FCRL1: variants seen among roughly 807,000 people sequenced by gnomAD.
FCRL1 encodes the protein Fc receptor like 1, also known as Fc receptor-like protein 1.
Under a neutral mutation model 49.2 loss-of-function variants are expected in FCRL1, and 34 were observed. The observed-to-expected ratio is 0.69, with a 90% CI of 0.53 to 0.92. The LOEUF is 0.92. Among genes scored for constraint, FCRL1 ranks in the 40% least tolerant of loss-of-function variants. The probability of loss-of-function intolerance (pLI) is 0.00; values close to 1 mark genes in which losing one functional copy is unlikely to be tolerated. For missense variants in FCRL1, 524 were observed against 524.1 expected (o/e 1.00, Z 0.00); for synonymous variants, 218 against 201.6 (o/e 1.08, Z -0.69).
At chr1:157,806,467 C>T (rs1186473675) in intron 2 of FCRL1, among the ~76,000 whole-genome samples, 1 of 152,190 alleles carries the variant, frequency 6.6e-6, no homozygotes, top group African/African-American at 2.4e-5. Flanking sequence ...GGATTGCTTA[C>T]TCTCCTTCTT....
At chr1:157,799,801 A>G (rs1652135265) in intron 7 of FCRL1, among the ~76,000 whole-genome samples, 1 of 152,072 alleles carries the variant, frequency 6.6e-6, no homozygotes, top group African/African-American at 2.4e-5. Context: ...TAATAATAAA[A>G]TTAAAAAAAA....
intron 1 of FCRL1, among the ~76,000 whole-genome samples, chr1:157,808,540 G>C (rs1215953878): frequency 6.6e-6 from 1 of 152,236 alleles, no homozygotes; most frequent in African/African-American, 2.4e-5. Flanking sequence ...TAAGGGGGCA[G>C]GGGTTAGTTA....
chr1:157,807,571 C>CA (rs1299552506), intron 1 of FCRL1, among the ~76,000 whole-genome samples: 1 of 152,158 alleles, frequency 6.6e-6, no homozygotes, highest in Non-Finnish European at 1.5e-5. Flanking sequence ...TTGACTCTCT[C>CA]AAGGGAACAA....
intron 6 of FCRL1, among the ~76,000 whole-genome samples, chr1:157,800,657 C>T (rs376538587): frequency 6.6e-5 from 10 of 152,070 alleles, no homozygotes; most frequent in African/African-American, 1.2e-4. Context: ...AGGCTGTGCA[C>T]GCCAGGTGAA....
At chr1:157,819,934 C>A in intron 1 of FCRL1, 73 bp downstream of exon 1, 1 of 1,559,066 alleles carries the variant, frequency 6.4e-7, no homozygotes, top group South Asian at 1.1e-5. Flanking sequence ...CCTAAGAAGT[C>A]CTTACAGCCC....
intron 2 of FCRL1, among the ~76,000 whole-genome samples, chr1:157,806,226 G>T (rs1467006364): frequency 6.6e-6 from 1 of 152,166 alleles, no homozygotes; most frequent in Non-Finnish European, 1.5e-5. Context: ...ACAAACATTA[G>T]ATAAGGAACC....
At position 157,816,831 on chromosome 1, in the gene FCRL1, T is replaced by C. The variant is rs535902733; in HGVS notation, c.31+3176A>G. On this transcript the variant is annotated intron_variant, in intron 1 of 10. Transcript: ENST00000368176. ...TAGATAGATAGATAGATAGACAAAA[T>C]ATGTAAATCAGTAGTGTTTCTATAT... Among the ~76,000 whole-genome samples the C allele has an allele frequency of 2.9e-5, 4 of 139,100 alleles. No homozygotes were observed. In the East Asian group the frequency reaches 8.7e-4, roughly 30 times the overall value. The allele number at this position is 139,100 out of a possible 152,430, so 91.3% of individuals were successfully genotyped here. A position where few individuals can be genotyped will look rare whatever the true frequency, so the allele number is the denominator to read the frequency against.
At chr1:157,803,387 T>A (rs1652856696) in intron 3 of FCRL1, among the ~76,000 whole-genome samples, 1 of 152,188 alleles carries the variant, frequency 6.6e-6, no homozygotes, top group Non-Finnish European at 1.5e-5. Flanking sequence ...GAAATCAAGC[T>A]CCAACTGCCC....
In FCRL1 at chr1:157,798,233, T is replaced by G; in HGVS notation, c.1042A>C (p.Ser348Arg). 6.2e-7 allele frequency: 1 copy of G among 1,611,474 alleles called. No individual in the cohort carries two copies. ...SARDPLRSLPSPLPQEFTYLN... is the reference protein window; with the variant it reads ...SARDPLRSLPRPLPQEFTYLN... ...TAGGTGAACTCTTGGGGTAGAGGGCTGGGAAGGCTCCTGCAAACACAGAGA... is the reference window on the plus strand; with the variant it reads ...TAGGTGAACTCTTGGGGTAGAGGGCGGGGAAGGCTCCTGCAAACACAGAGA... The change falls in exon 8 of 11, where the codon AGC becomes CGC. Residue 348 changes from serine to arginine, a missense_variant. Physicochemically the swap from Ser to Arg is moderately radical, Grantham distance 110 (BLOSUM62 -1). Coordinates refer to ENST00000368176, the MANE Select transcript of FCRL1 (RefSeq NM_052938.5).
chr1:157,818,909 T>C (rs1407900759), intron 1 of FCRL1, among the ~76,000 whole-genome samples: 1 of 152,154 alleles, frequency 6.6e-6, no homozygotes, highest in Non-Finnish European at 1.5e-5. Flanking sequence ...AACATATTGA[T>C]GATGGAGCAA....
intron 1 of FCRL1, among the ~76,000 whole-genome samples, chr1:157,818,342 A>T (rs949134504): frequency 6.6e-6 from 1 of 151,886 alleles, no homozygotes; most frequent in Non-Finnish European, 1.5e-5. Context: ...ATGAAATCCT[A>T]TCATTTACAA....
chr1:157,805,601 A>G (rs1000798086), intron 2 of FCRL1, among the ~76,000 whole-genome samples: 8 of 152,170 alleles, frequency 5.3e-5, no homozygotes, highest in Non-Finnish European at 1.0e-4. Flanking sequence ...GGCAATAAAT[A>G]AAAAGGCATT....
intron 3 of FCRL1, 59 bp from the exon 4 acceptor site, chr1:157,802,723 A>G: frequency 6.6e-7 from 1 of 1,525,766 alleles, no homozygotes; most frequent in Non-Finnish European, 8.8e-7. Flanking sequence ...CAAAGACAGT[A>G]AGTAGATATG....
At chr1:157,816,032 C>A (rs557809860) in intron 1 of FCRL1, among the ~76,000 whole-genome samples, 13 of 151,900 alleles carry the variant, frequency 8.6e-5, no homozygotes, top group African/African-American at 3.1e-4. Flanking sequence ...ATTTAAAGAA[C>A]TAATACCAAT....
intron 1 of FCRL1, among the ~76,000 whole-genome samples, chr1:157,813,177 G>A (rs565096890): frequency 1.3e-5 from 2 of 152,100 alleles, no homozygotes; most frequent in Admixed American, 6.5e-5. Context: ...ATGCACAAAT[G>A]GTAAAGCAGG....
chr1:157,807,299 C>T (rs1314053133), intron 1 of FCRL1, among the ~76,000 whole-genome samples, 177 bp from the exon 2 acceptor site: 1 of 152,036 alleles, frequency 6.6e-6, no homozygotes, highest in East Asian at 1.9e-4. Context: ...CTTTCATCTT[C>T]TCTTCCTCCC....
At chr1:157,811,079 G>A (rs1194206107) in intron 1 of FCRL1, among the ~76,000 whole-genome samples, 2 of 152,112 alleles carry the variant, frequency 1.3e-5, no homozygotes, top group Non-Finnish European at 2.9e-5. Context: ...CACACCTGGT[G>A]CACTGAAAAC....
chr1:157,800,036 C>CTA, intron 7 of FCRL1, 22 bp downstream of exon 7: 1 of 1,608,570 alleles, frequency 6.2e-7, no homozygotes, highest in Admixed American at 1.7e-5. Context: ...TTATTGACAC[C>CTA]TATAGTGAAA....
intron 3 of FCRL1, among the ~76,000 whole-genome samples, chr1:157,803,605 C>T (rs1050779759): frequency 6.6e-6 from 1 of 152,208 alleles, no homozygotes; most frequent in Non-Finnish European, 1.5e-5. Flanking sequence ...CTCTTCCCCC[C>T]ACACCCTCCA....
Sources: gnomAD v4.1 joint callset for allele counts (sites outside exome capture counted in the v4.1 genomes callset) on GRCh38, gnomAD v4.1.1 for gene constraint, MANE v1.5 for transcripts, NCBI Gene and HGNC (gene_info 2026-07-23, HGNC 2026-07-21) for gene names.